Variants in DLG2 observed in about 807,000 individuals in gnomAD.
DLG2 encodes discs large MAGUK scaffold protein 2, also known as disks large homolog 2.
A neutral mutation model predicts 132.5 loss-of-function variants in DLG2; 45 were observed. The ratio of observed to expected loss-of-function variants is 0.34; its 90% CI spans 0.27 to 0.44. DLG2 has a LOEUF of 0.44. Ranked by LOEUF, DLG2 falls within the 20% of genes least tolerant of loss-of-function variation. DLG2 has a pLI of 1.00. For missense variants in DLG2, 1,045 were observed against 1,196.9 expected (o/e 0.87, Z 1.87); for synonymous variants, 424 against 419.6 (o/e 1.01, Z -0.13).
chr11:84,734,479 A>G (rs2063565808), intron 6 of DLG2, among the ~76,000 whole-genome samples: 1 of 152,142 alleles, frequency 6.6e-6, no homozygotes, highest in Non-Finnish European at 1.5e-5. Context: ...ATTTTTGCAC[A>G]TTGATTTTGT....
intron 4 of DLG2, among the ~76,000 whole-genome samples, chr11:85,166,946 A>G (rs1242175298): frequency 6.6e-6 from 1 of 152,162 alleles, no homozygotes; most frequent in Non-Finnish European, 1.5e-5. Flanking sequence ...ACTTAGAAAA[A>G]TCTAGATCTC....
intron 7 of DLG2, among the ~76,000 whole-genome samples, chr11:84,301,651 C>CA (rs753899806): frequency 0.097 from 2,540 of 26,098 alleles, 372 homozygotes; most frequent in East Asian, 0.3. Flanking sequence ...AGGCGAGACT[C>CA]AAAAAAAAAA....
chr11:84,903,917 A>G (rs991539991), intron 6 of DLG2, among the ~76,000 whole-genome samples: 1 of 152,180 alleles, frequency 6.6e-6, no homozygotes, highest in Non-Finnish European at 1.5e-5. Flanking sequence ...TTTTACAGAT[A>G]AATGAAAAAA....
chr11:84,570,141 G>A (rs1047028252), intron 6 of DLG2, among the ~76,000 whole-genome samples: 1 of 152,078 alleles, frequency 6.6e-6, no homozygotes, highest in Non-Finnish European at 1.5e-5. Flanking sequence ...TGGCATATAG[G>A]CCTTCCAGAA....
chr11:83,572,933 C>A (rs1344623949), intron 19 of DLG2, among the ~76,000 whole-genome samples: 8 of 152,104 alleles, frequency 5.3e-5, no homozygotes, highest in African/African-American at 1.9e-4. Context: ...AAAAGACTAC[C>A]CCTGCCCCAT....
At chr11:85,529,640 T>C (rs1360653736) in intron 3 of DLG2, among the ~76,000 whole-genome samples, 1 of 152,198 alleles carries the variant, frequency 6.6e-6, no homozygotes, top group Non-Finnish European at 1.5e-5. Flanking sequence ...TTTTAATGAC[T>C]CTGATCATAC....
chr11:83,922,887 C>T (rs375023016), intron 15 of DLG2, among the ~76,000 whole-genome samples: 10 of 152,170 alleles, frequency 6.6e-5, no homozygotes, highest in South Asian at 2.1e-4. Flanking sequence ...TACCATAAAG[C>T]GGCTATTATT....
At chr11:85,595,017 A>G (rs2079636108) in intron 3 of DLG2, among the ~76,000 whole-genome samples, 1 of 149,070 alleles carries the variant, frequency 6.7e-6, no homozygotes, top group Admixed American at 6.7e-5. Context: ...GTGAGCCGAT[A>G]TCGCACCACT....
rs993597429 is a variant in DLG2 at position 84,716,346 on chromosome 11, A to G, written c.358-181615T>C. ...ATACTGTAATTTATAAAGTATTTTT[A>G]GAATATTAGGACAAATAACAAATAT... On this transcript the variant is annotated intron_variant, in intron 6 of 27. Transcript: ENST00000376104. Among the ~76,000 whole-genome samples the G allele has an allele frequency of 1.6e-4, 25 of 152,216 alleles. 1 individual carries two copies. Among genetic ancestry groups the G allele is most frequent in the African/African-American group, 5.8e-4 (24 of 41,566 alleles).
At chr11:83,636,944 G>C (rs1386960435) in intron 18 of DLG2, among the ~76,000 whole-genome samples, 1 of 152,012 alleles carries the variant, frequency 6.6e-6, no homozygotes, top group African/African-American at 2.4e-5. Flanking sequence ...CTGTCTCTTT[G>C]CTACTTTTCT....
intron 6 of DLG2, among the ~76,000 whole-genome samples, chr11:85,099,787 C>T (rs1438734902): frequency 6.6e-6 from 1 of 152,076 alleles, no homozygotes; most frequent in African/African-American, 2.4e-5. Flanking sequence ...TCTAACAATA[C>T]CAGATAAAAG....
At chr11:84,626,131 C>T (rs189798960) in intron 6 of DLG2, among the ~76,000 whole-genome samples, 6 of 152,268 alleles carry the variant, frequency 3.9e-5, no homozygotes, top group East Asian at 1.9e-4. Flanking sequence ...ATGAGGCAGG[C>T]GTGTTGCCCC....
chr11:84,763,747 G>A (rs2067991130), intron 6 of DLG2, among the ~76,000 whole-genome samples: 1 of 152,054 alleles, frequency 6.6e-6, no homozygotes, highest in Non-Finnish European at 1.5e-5. Context: ...CACTTATTCA[G>A]AATAACTTTT....
chr11:84,926,201 T>A (rs1360318184), intron 6 of DLG2, among the ~76,000 whole-genome samples: 1 of 151,860 alleles, frequency 6.6e-6, no homozygotes, highest in Admixed American at 6.6e-5. Context: ...AGAAAAAACA[T>A]AAAAGTTAGA....
chr11:85,596,661 G>A (rs1393682283), intron 3 of DLG2, among the ~76,000 whole-genome samples: 1 of 152,146 alleles, frequency 6.6e-6, no homozygotes, highest in African/African-American at 2.4e-5. Context: ...GGGTAGGATG[G>A]GGTGGGGGAG....
chr11:83,565,024 T>A (rs540366275), intron 19 of DLG2, among the ~76,000 whole-genome samples: 19 of 152,328 alleles, frequency 1.2e-4, no homozygotes, highest in African/African-American at 3.4e-4. Context: ...CACTGGACTA[T>A]GATCTCCTTG....
At chr11:83,568,483 C>T (rs914398392) in intron 19 of DLG2, among the ~76,000 whole-genome samples, 3 of 151,834 alleles carry the variant, frequency 2.0e-5, no homozygotes, top group Non-Finnish European at 4.4e-5. Flanking sequence ...CAAATTAGGT[C>T]GAAATTAAAG....
At chr11:84,918,489 T>A (rs924131801) in intron 6 of DLG2, among the ~76,000 whole-genome samples, 1 of 152,090 alleles carries the variant, frequency 6.6e-6, no homozygotes, top group Non-Finnish European at 1.5e-5. Flanking sequence ...AGGATTCCCA[T>A]CACAGGAAAA....
intron 7 of DLG2, among the ~76,000 whole-genome samples, chr11:84,487,320 C>T (rs993961041): frequency 2.0e-5 from 3 of 152,026 alleles, no homozygotes; most frequent in Non-Finnish European, 4.4e-5. Context: ...ATACTTAACA[C>T]AGTGCCTAGC....
Sources: allele counts gnomAD v4.1 joint callset (sites outside exome capture counted in the v4.1 genomes callset), GRCh38; gene constraint gnomAD v4.1.1; transcripts MANE v1.5; gene names NCBI Gene and HGNC (gene_info 2026-07-23, HGNC 2026-07-21).